The following HIVEP1 variants were observed in gnomAD, a reference collection of about 807,000 sequenced individuals.
HIVEP1 encodes the protein zinc finger protein 40.
A neutral mutation model predicts 180.0 loss-of-function variants in HIVEP1; 36 were observed. The ratio of observed to expected loss-of-function variants is 0.20; its 90% CI spans 0.15 to 0.26. The LOEUF (loss-of-function observed/expected upper bound fraction) is 0.26, where lower values mean the gene tolerates loss of function less well. HIVEP1 is among the 10% of genes least tolerant of loss of function. HIVEP1 has a pLI of 1.00. For missense variants in HIVEP1, 3,143 were observed against 3,268.7 expected (o/e 0.96, Z 0.94); for synonymous variants, 1,239 against 1,239.0 (o/e 1.00, Z 0.00).
At chr6:12,072,504 G>C (rs890048170) in intron 2 of HIVEP1, among the ~76,000 whole-genome samples, 4 of 151,978 alleles carry the variant, frequency 2.6e-5, no homozygotes, top group Non-Finnish European at 1.5e-5. Context: ...TGGGTTCACC[G>C]AGCCTCCTGG....
intron 3 of HIVEP1, among the ~76,000 whole-genome samples, chr6:12,099,183 G>GGTTTTTTTTTTTTTTTTTTTTTTTTTTT (rs373744044): frequency 5.1e-5 from 7 of 138,442 alleles, no homozygotes; most frequent in African/African-American, 1.6e-4. Context: ...ATGTCACTGA[G>GGTTTTTTTTTTTTTTTTTTTTTTTTTTT]TTTTTTTTTT....
the HIVEP1 span, among the ~76,000 whole-genome samples, chr6:12,178,054 T>C: frequency 1.1e-4 from 17 of 152,128 alleles, no homozygotes; most frequent in African/African-American, 3.9e-4. Flanking sequence ...TTTATGACAT[T>C]GAGATAGGGA....
intron 2 of HIVEP1, among the ~76,000 whole-genome samples, chr6:12,028,487 G>A (rs866237081): frequency 6.6e-6 from 1 of 152,202 alleles, no homozygotes; most frequent in African/African-American, 2.4e-5. Flanking sequence ...CCTTCTGTAT[G>A]TTGACAGTTT....
rs755374488 is a variant in HIVEP1, at chr6:12,121,472, G to A, written c.1677G>A (p.Glu559=). 3.7e-6 allele frequency: 6 copies of A among 1,614,202 alleles called. No homozygotes were observed. In the Admixed American group the frequency reaches 1.0e-4, roughly 27 times the overall value. The change falls in exon 4 of 9, where the codon GAG becomes GAA. Residue 559 remains glutamate, a synonymous_variant. Transcript: ENST00000379388. The surrounding 1 kb of genome is among the most constrained non-coding windows in gnomAD (Gnocchi z 5.3). ...DRSAESQAVT[E]LPKVVVHHVT... is the part of the protein sequence containing the mutation. Reference sequence around the variant, plus strand: ...CTGCAGAATCACAAGCTGTGACAGAGTTACCGAAAGTTGTGGTCCACCATG... The same window carrying A: ...CTGCAGAATCACAAGCTGTGACAGAATTACCGAAAGTTGTGGTCCACCATG...
chr6:12,175,433 G>C, the HIVEP1 span, among the ~76,000 whole-genome samples: 3 of 152,180 alleles, frequency 2.0e-5, no homozygotes, highest in African/African-American at 4.8e-5. Flanking sequence ...ACAAATCCTA[G>C]TGTATAGTAA....
At chr6:12,017,861 G>A (rs1407139436) in intron 2 of HIVEP1, among the ~76,000 whole-genome samples, 1 of 152,224 alleles carries the variant, frequency 6.6e-6, no homozygotes, top group African/African-American at 2.4e-5. Context: ...GAGCCCAGCT[G>A]GCTTCACCCA....
intron 3 of HIVEP1, among the ~76,000 whole-genome samples, chr6:12,101,743 TC>T (rs1774125905): frequency 6.6e-6 from 1 of 151,954 alleles, no homozygotes; most frequent in Non-Finnish European, 1.5e-5. Context: ...AGGCACAAAT[TC>T]AGCTGTGTCA....
upstream of HIVEP1, among the ~76,000 whole-genome samples, chr6:12,009,319 C>T (rs1428947578): frequency 6.6e-6 from 1 of 151,980 alleles, no homozygotes; most frequent in African/African-American, 2.4e-5. Context: ...ACTTTGTGCC[C>T]TCTCCAAACT....
chr6:12,056,929 T>A lies in HIVEP1; in HGVS notation c.41-32255T>A, dbSNP rs1416884720. On this transcript the variant is annotated intron_variant, in intron 2 of 8. Transcript: ENST00000379388. ...TTGGCTCACTGCAGTTTCTGCCTCC[T>A]GAGCTCAAGTGATCCTCCCATCTTA... Among the ~76,000 whole-genome samples, 3 of 152,176 alleles carry A rather than the reference T, an allele frequency of 2.0e-5. No individual in the cohort carries two copies. In the East Asian group the frequency reaches 5.8e-4, roughly 29 times the overall value.
At chr6:12,167,977 ATG>A (rs1396024084), downstream of HIVEP1, among the ~76,000 whole-genome samples, 3 of 121,114 alleles carry the variant, frequency 2.5e-5, no homozygotes, top group Non-Finnish European at 3.4e-5. Context: ...TTATATATAC[ATG>A]TACATGTATA....
intron 2 of HIVEP1, among the ~76,000 whole-genome samples, chr6:12,061,945 T>A (rs1581605694): frequency 6.6e-6 from 1 of 152,182 alleles, no homozygotes; most frequent in East Asian, 1.9e-4. Context: ...CTGATGAAAT[T>A]TGAATGAGAG....
At chr6:12,153,960 C>A (rs1466082949) in intron 7 of HIVEP1, among the ~76,000 whole-genome samples, 1 of 152,128 alleles carries the variant, frequency 6.6e-6, no homozygotes, top group Non-Finnish European at 1.5e-5. Flanking sequence ...CCCGCCTGAC[C>A]AACATGGTGA....
chr6:12,187,521 T>C, the HIVEP1 span, among the ~76,000 whole-genome samples: 31,145 of 151,936 alleles, frequency 0.2, 3,854 homozygotes, highest in East Asian at 0.36. Flanking sequence ...TGGAAGCAGC[T>C]TGTGGCCCTT....
In HIVEP1 at chr6:12,124,376, A is replaced by G; in HGVS notation, c.4581A>G (p.Thr1527=). Residue 1527 remains threonine, a synonymous_variant, in exon 4 of 9, where the codon ACA becomes ACG. Transcript: ENST00000379388. ...QIHAPPSHQS[T]QLSLQVSTQG... ...ATGCACCGCCTAGCCACCAGAGCAC[A>G]CAGCTATCTCTGCAAGTGTCTACGC... 6.2e-7 allele frequency: 1 copy of G among 1,614,154 alleles called. No individual in the cohort carries two copies. Among genetic ancestry groups the G allele is most frequent in the Non-Finnish European group, 8.5e-7 (1 of 1,180,026 alleles).
chr6:12,015,384 A>G (rs887672891), intron 1 of HIVEP1, 142 bp from the exon 2 acceptor site: 8 of 391,650 alleles, frequency 2.0e-5, no homozygotes, highest in African/African-American at 1.2e-4. Flanking sequence ...GTTTAATTAA[A>G]AGTTAGTAAT....
At chr6:12,208,887 A>G in the HIVEP1 span, among the ~76,000 whole-genome samples, 4 of 142,072 alleles carry the variant, frequency 2.8e-5, no homozygotes, top group Non-Finnish European at 6.2e-5. Flanking sequence ...CTGAAGCCCT[A>G]TCTGACTAAT....
At chr6:12,065,603 T>C (rs992990027) in intron 2 of HIVEP1, among the ~76,000 whole-genome samples, 1 of 152,114 alleles carries the variant, frequency 6.6e-6, no homozygotes, top group Non-Finnish European at 1.5e-5. Context: ...GTGAATTCGC[T>C]TCTGTGTGCC....
Position 12,124,266 on chromosome 6 carries a change from C to A in HIVEP1, c.4471C>A (p.Leu1491Met). Residue 1491 changes from leucine (L) to methionine (M), a missense_variant, in exon 4 of 9, where the codon CTG becomes ATG. Transcript: ENST00000379388. The part of the protein sequence containing the change: ...TLHSQTQVKD[L>M]QAETSNSSST... ...GCACTCTCAGACTCAGGTTAAGGAT[C>A]TGCAGGCAGAAACATCAAACTCCAG... 6.2e-7 allele frequency: 1 copy of A among 1,614,160 alleles called. No homozygotes were observed. Among genetic ancestry groups the A allele is most frequent in the Non-Finnish European group, 8.5e-7 (1 of 1,180,038 alleles).
chr6:12,080,458 C>T (rs529566699), intron 2 of HIVEP1, among the ~76,000 whole-genome samples: 4 of 152,226 alleles, frequency 2.6e-5, no homozygotes, highest in Admixed American at 1.3e-4. Flanking sequence ...TTGATATATA[C>T]TGTATGTATA....
Sources: allele counts gnomAD v4.1 joint callset (sites outside exome capture counted in the v4.1 genomes callset), GRCh38; gene constraint gnomAD v4.1.1; non-coding constraint Gnocchi (gnomAD v3.1); transcripts MANE v1.5; gene names NCBI Gene and HGNC (gene_info 2026-07-23, HGNC 2026-07-21).